TMEM161B: variants seen among roughly 807,000 people sequenced by gnomAD.
The protein encoded by TMEM161B is transmembrane protein 161B.
A neutral mutation model predicts 61.8 loss-of-function variants in TMEM161B; 34 were observed. That is an observed-to-expected ratio of 0.55 (90% CI 0.42 to 0.73). The LOEUF is 0.73. Among genes scored for constraint, TMEM161B ranks in the 30% least tolerant of loss-of-function variants. The pLI, the probability that TMEM161B is intolerant of heterozygous loss-of-function variation, is 0.00. For missense variants in TMEM161B, 456 were observed against 558.5 expected, an observed-to-expected ratio of 0.82 and a Z score of 1.85; for synonymous variants, 167 against 192.8, an observed-to-expected ratio of 0.87 and a Z score of 1.11.
rs971459754 is a variant in TMEM161B at position 88,196,075 on chromosome 5, C to T, written c.*136G>A. On this transcript the variant is annotated 3_prime_UTR_variant, in exon 12 of 12. Transcript: ENST00000296595. ...ATTCACCCTGAGAATACAGAGGAAA[C>T]ATTTAATACAAGACATTCTGATATG... The T allele has an allele frequency of 3.1e-4, 444 of 1,431,036 alleles. No homozygotes were observed. The highest frequency in any genetic ancestry group is 3.7e-4 in the Non-Finnish European group (401 of 1,095,814). 88.6% of individuals were successfully genotyped at this position (1,431,036 alleles called of 1,614,324 possible).
chr5:88,206,181 C>T (rs1226149708), intron 7 of TMEM161B, among the ~76,000 whole-genome samples: 1 of 151,986 alleles, frequency 6.6e-6, no homozygotes, highest in Non-Finnish European at 1.5e-5. Flanking sequence ...ACACATTCAA[C>T]AGGGAATTGA....
At chr5:88,185,857 C>T (rs1045408455), downstream of TMEM161B, among the ~76,000 whole-genome samples, 3 of 152,082 alleles carry the variant, frequency 2.0e-5, no homozygotes, top group East Asian at 3.9e-4. Flanking sequence ...CAAATTCAGT[C>T]AAACAGACCA....
intron 2 of TMEM161B, among the ~76,000 whole-genome samples, chr5:88,232,827 G>C (rs1221585119): frequency 1.3e-5 from 2 of 152,158 alleles, no homozygotes; most frequent in East Asian, 3.8e-4. Flanking sequence ...GCCCGCCTTG[G>C]CTTCCCAAAG....
chr5:88,218,719 T>C (rs1448951976), intron 5 of TMEM161B, among the ~76,000 whole-genome samples: 1 of 152,102 alleles, frequency 6.6e-6, no homozygotes, highest in Admixed American at 6.5e-5. Flanking sequence ...AGAAATTGGA[T>C]TGGCAGCTGC....
At position 88,225,753 on chromosome 5, in the gene TMEM161B, T is replaced by C; in HGVS notation, c.289+16A>G. 1 of 1,514,930 alleles carries C rather than the reference T, an allele frequency of 6.6e-7. No individual in the cohort carries two copies. Among genetic ancestry groups the C allele is most frequent in the Non-Finnish European group, 9.1e-7 (1 of 1,100,146 alleles). The allele number at this position is 1,514,930 out of a possible 1,614,324, so 93.8% of individuals were successfully genotyped here. A position where few individuals can be genotyped will look rare whatever the true frequency, so the allele number is the denominator to read the frequency against. ...AAACTGAGATTTATAGAACATTTTA[T>C]CAAGATTTCCCTTACCTAAAGTATC... On this transcript the variant is annotated intron_variant, in intron 4 of 11. Coordinates refer to ENST00000296595, the MANE Select transcript of TMEM161B (RefSeq NM_153354.5).
intron 2 of TMEM161B, among the ~76,000 whole-genome samples, chr5:88,237,958 G>A (rs1752131891): frequency 6.6e-6 from 1 of 152,080 alleles, no homozygotes; most frequent in Non-Finnish European, 1.5e-5. Context: ...CCAGGTATCT[G>A]AGGGAAACTG....
intron 3 of TMEM161B, 23 bp downstream of exon 3, chr5:88,228,422 T>C (rs745819552): frequency 1.3e-6 from 2 of 1,513,508 alleles, no homozygotes; most frequent in East Asian, 4.5e-5. Flanking sequence ...TATTTATTAC[T>C]TTACAAGCTC....
chr5:88,247,628 A>G (rs1460218293), intron 1 of TMEM161B, among the ~76,000 whole-genome samples: 1 of 152,120 alleles, frequency 6.6e-6, no homozygotes, highest in African/African-American at 2.4e-5. Context: ...CATATAATTT[A>G]TACTCCAAAA....
Position 88,207,187 on chromosome 5 carries a change from A to G in TMEM161B, c.447-7T>C. On this transcript the variant is annotated splice_region_variant and splice_polypyrimidine_tract_variant and intron_variant, in intron 5 of 11. Transcript: ENST00000296595. The stretch of plus-strand genomic sequence containing the variant: ...TAATGAAAATAGAACTTTGCTGCAG[A>G]AGGAAAAGTTCAGGAAAAACCACAA... The G allele has an allele frequency of 6.2e-7, 1 of 1,601,352 alleles. No homozygotes were observed. The highest frequency in any genetic ancestry group is 8.5e-7 in the Non-Finnish European group (1 of 1,176,082).
chr5:88,246,094 T>C (rs1753578378), intron 1 of TMEM161B, among the ~76,000 whole-genome samples: 1 of 151,850 alleles, frequency 6.6e-6, no homozygotes, highest in Admixed American at 6.6e-5. Context: ...TAATGTTCAA[T>C]ACAAAAATGT....
intron 1 of TMEM161B, among the ~76,000 whole-genome samples, chr5:88,249,014 T>A (rs1414881963): frequency 6.6e-6 from 1 of 152,076 alleles, no homozygotes; most frequent in Non-Finnish European, 1.5e-5. Context: ...GAAAGTGGTT[T>A]TACAAATGGC....
At chr5:88,254,438 A>T (rs939695313) in intron 1 of TMEM161B, among the ~76,000 whole-genome samples, 1 of 152,204 alleles carries the variant, frequency 6.6e-6, no homozygotes, top group Non-Finnish European at 1.5e-5. Context: ...GGGACAGCTA[A>T]AATTTGTGAA....
chr5:88,265,886 C>T (rs886128121), intron 1 of TMEM161B, among the ~76,000 whole-genome samples: 4 of 152,130 alleles, frequency 2.6e-5, no homozygotes, highest in African/African-American at 4.8e-5. Flanking sequence ...AGATGCAAGC[C>T]GTGATATCTG....
chr5:88,211,615 G>A (rs1173462828), intron 5 of TMEM161B, among the ~76,000 whole-genome samples: 1 of 151,570 alleles, frequency 6.6e-6, no homozygotes, highest in Non-Finnish European at 1.5e-5. Context: ...AAAATTAGCC[G>A]GGCGTGGCGG....
intron 1 of TMEM161B, among the ~76,000 whole-genome samples, chr5:88,250,193 AAGAGAGAGAG>A (rs375218954): frequency 6.7e-6 from 1 of 148,454 alleles, no homozygotes; most frequent in Middle Eastern, 3.2e-3. Context: ...AAGAGAGAGA[AAGAGAGAGAG>A]AGAGAGAGAG....
intron 1 of TMEM161B, chr5:88,250,682 GT>G (rs1167004844): frequency 6.6e-6 from 1 of 152,186 alleles, no homozygotes. Flanking sequence ...TCCAGTAACT[GT>G]TTCTTCACTG....
intron 5 of TMEM161B, among the ~76,000 whole-genome samples, chr5:88,217,063 A>G (rs1209442445): frequency 6.6e-6 from 1 of 152,188 alleles, no homozygotes; most frequent in Admixed American, 6.5e-5. Context: ...AATGGATAAA[A>G]TAAGATTAAA....
intron 5 of TMEM161B, among the ~76,000 whole-genome samples, chr5:88,219,692 C>T (rs1748560331): frequency 6.6e-6 from 1 of 152,010 alleles, no homozygotes; most frequent in African/African-American, 2.4e-5. Context: ...CTGAAGAAAA[C>T]CTATTTCTTT....
At position 88,205,841 on chromosome 5, in the gene TMEM161B, A is replaced by G; in HGVS notation, c.773T>C (p.Leu258Pro). Residue 258 changes from leucine to proline, a missense_variant, in exon 8 of 12, where the codon CTG (leucine) becomes CCG (proline). Physicochemically the swap from Leu to Pro is moderately conservative, Grantham distance 98. Coordinates refer to ENST00000296595, the MANE Select transcript of TMEM161B (RefSeq NM_153354.5). ...LRLAQMHLDA[L>P]NLATEKITQT... ...TGTAATTTTTTCTGTTGCCAAATTC[A>G]GGGCATCCAGATGCATTTGAGCCAG... The G allele has an allele frequency of 6.2e-7, 1 of 1,612,594 alleles. No individual in the cohort carries two copies. The highest frequency in any genetic ancestry group is 8.5e-7 in the Non-Finnish European group (1 of 1,179,286).
Sources: gnomAD v4.1 joint callset for allele counts (sites outside exome capture counted in the v4.1 genomes callset) on GRCh38, gnomAD v4.1.1 for gene constraint, MANE v1.5 for transcripts, NCBI Gene and HGNC (gene_info 2026-07-23, HGNC 2026-07-21) for gene names.